NOC3L: variants seen among roughly 807,000 people sequenced by gnomAD.
NOC3L encodes nucleolar complex protein 3 homolog.
In NOC3L, 85 loss-of-function variants were observed where a neutral mutation model predicts 102.5. The observed-to-expected ratio is 0.83, with a 90% CI of 0.70 to 0.99. The LOEUF (loss-of-function observed/expected upper bound fraction) is 0.99, where lower values mean the gene tolerates loss of function less well. Among genes scored for constraint, NOC3L ranks in the 50% least tolerant of loss-of-function variants. NOC3L has a pLI of 0.00. For synonymous variants in NOC3L, 303 were observed against 309.4 expected (o/e 0.98, Z 0.22); for missense variants, 878 against 914.9 (o/e 0.96, Z 0.52).
Position 94,362,895 on chromosome 10 carries a change from A to G in NOC3L, c.-57T>C, listed in dbSNP as rs2054568079. 6.2e-7 allele frequency: 1 copy of G among 1,613,798 alleles called. No homozygotes were observed. Among genetic ancestry groups the G allele is most frequent in the Non-Finnish European group, 8.5e-7 (1 of 1,179,960 alleles). The stretch of plus-strand genomic sequence containing the variant: ...AGTTCACCAGAAGCAGGGTTACTAC[A>G]GAAATCCCGGGGAATGACACACGTG... On this transcript the variant is annotated 5_prime_UTR_variant, in exon 1 of 21. Transcript: ENST00000371361.
Position 94,340,348 on chromosome 10 carries a change from C to T in NOC3L, c.1709-1G>A. 6.2e-7 allele frequency: 1 copy of T among 1,613,150 alleles called. No homozygotes were observed. The highest frequency in any genetic ancestry group is 8.5e-7 in the Non-Finnish European group (1 of 1,179,698). On this transcript the variant is annotated splice_acceptor_variant, in intron 15 of 20. Coordinates refer to ENST00000371361, the MANE Select transcript of NOC3L (RefSeq NM_022451.11). LOFTEE classifies it high-confidence loss of function. ...AATGGATCAATATTCAGAACATCAC[C>T]TTTGAAATGACAACAAACACCAATT... is the stretch of plus-strand genomic sequence containing the variant.
chr10:94,342,925 A>G (rs2054302588), intron 13 of NOC3L, among the ~76,000 whole-genome samples: 1 of 152,064 alleles, frequency 6.6e-6, no homozygotes, highest in African/African-American at 2.4e-5. Context: ...TCTTTACTAA[A>G]AATACAGAAA....
At chr10:94,320,916 T>C in the NOC3L span, among the ~76,000 whole-genome samples, 1 of 152,208 alleles carries the variant, frequency 6.6e-6, no homozygotes, top group African/African-American at 2.4e-5. Context: ...GGGTATTTTG[T>C]GGCGAATAAG....
intron 6 of NOC3L, among the ~76,000 whole-genome samples, chr10:94,354,129 T>C (rs1303634447): frequency 6.6e-6 from 1 of 152,238 alleles, no homozygotes; most frequent in Non-Finnish European, 1.5e-5. Context: ...TCCCTAATTC[T>C]GCTCTAGATC....
chr10:94,334,254 T>C lies in NOC3L; in HGVS notation c.2326A>G (p.Ile776Val). 6.2e-7 allele frequency: 1 copy of C among 1,611,354 alleles called. No individual in the cohort carries two copies. Among genetic ancestry groups the C allele is most frequent in the Non-Finnish European group, 8.5e-7 (1 of 1,178,516 alleles). Residue 776 changes from isoleucine (I) to valine (V), a missense_variant, in exon 21 of 21, where the codon ATC (isoleucine) becomes GTC (valine). Coordinates refer to ENST00000371361, the MANE Select transcript of NOC3L (RefSeq NM_022451.11). ...GCAACTTCACTGGAGTATCTTTTGATTAGCTGATTTAAATCTTCATTCAAA... is the reference window on the plus strand; with the variant it reads ...GCAACTTCACTGGAGTATCTTTTGACTAGCTGATTTAAATCTTCATTCAAA... ...SFLNEDLNQL[I>V]KRYSSEVATE...
chr10:94,359,840 A>C (rs1393112128), intron 2 of NOC3L, among the ~76,000 whole-genome samples: 2 of 152,206 alleles, frequency 1.3e-5, no homozygotes, highest in African/African-American at 4.8e-5. Context: ...AAGTTCCTCA[A>C]AAAACTAAAA....
chr10:94,316,736 G>T, the NOC3L span: 1 of 1,613,790 alleles, frequency 6.2e-7, no homozygotes. Context: ...GGGCAGGATT[G>T]TCTTAAAAAC....
chr10:94,358,311 G>T, intron 2 of NOC3L, 96 bp from the exon 3 acceptor site: 1 of 718,928 alleles, frequency 1.4e-6, no homozygotes. Context: ...AAAAGCTTAC[G>T]CTTTCTGAAG....
At chr10:94,336,652 G>C (rs2054222086) in intron 19 of NOC3L, among the ~76,000 whole-genome samples, 1 of 151,770 alleles carries the variant, frequency 6.6e-6, no homozygotes, top group Non-Finnish European at 1.5e-5. Context: ...CTGGCCCTCT[G>C]TTGTTTATAA....
At chr10:94,327,762 ATATT>A in the NOC3L span, among the ~76,000 whole-genome samples, 16 of 152,306 alleles carry the variant, frequency 1.1e-4, no homozygotes, top group Admixed American at 2.0e-4. Context: ...AGAATGTGAA[ATATT>A]TATTTCCAAG....
Position 94,344,406 on chromosome 10 carries a change from A to G in NOC3L, c.1571+9T>C. ...GAATCTAAAAGATTTCAACCTACAC[A>G]GCCCTTACTTGGCAAGACCTTCTAG... is the stretch of plus-strand genomic sequence containing the variant. On this transcript the variant is annotated intron_variant, in intron 13 of 20. Coordinates refer to ENST00000371361, the MANE Select transcript of NOC3L (RefSeq NM_022451.11). 6.3e-7 allele frequency: 1 copy of G among 1,589,560 alleles called. No individual in the cohort carries two copies. The highest frequency in any genetic ancestry group is 8.6e-7 in the Non-Finnish European group (1 of 1,159,442).
the NOC3L span, among the ~76,000 whole-genome samples, chr10:94,315,991 T>G: frequency 3.9e-5 from 6 of 152,120 alleles, no homozygotes; most frequent in African/African-American, 1.4e-4. Context: ...GTCTGTCTGG[T>G]TCCAGGGCTT....
intron 17 of NOC3L, 126 bp from the exon 18 acceptor site, chr10:94,338,862 C>T: frequency 2.9e-6 from 2 of 682,426 alleles, no homozygotes; most frequent in African/African-American, 3.7e-5. Flanking sequence ...AAAGTCTTTA[C>T]ACCTAGATTT....
At chr10:94,316,932 C>CT in the NOC3L span, among the ~76,000 whole-genome samples, 1 of 152,196 alleles carries the variant, frequency 6.6e-6, no homozygotes, top group Non-Finnish European at 1.5e-5. Context: ...AATATTATCT[C>CT]TAAGGTACAG....
At chr10:94,324,233 A>G in the NOC3L span, 1 of 821,596 alleles carries the variant, frequency 1.2e-6, no homozygotes. Flanking sequence ...AATGATCTGG[A>G]AGATCCCCTT....
intron 6 of NOC3L, among the ~76,000 whole-genome samples, 198 bp downstream of exon 6, chr10:94,354,765 T>C (rs1344101256): frequency 6.6e-6 from 1 of 152,190 alleles, no homozygotes; most frequent in African/African-American, 2.4e-5. Flanking sequence ...AAGTAACTTT[T>C]CTAGGATTAC....
At chr10:94,361,466 A>G in intron 2 of NOC3L, 199 bp downstream of exon 2, 5 of 555,706 alleles carry the variant, frequency 9.0e-6, no homozygotes, top group Non-Finnish European at 1.6e-5. Context: ...TTGAATGAAT[A>G]CTGTATTGAA....
chr10:94,316,781 C>G, the NOC3L span: 1 of 1,526,636 alleles, frequency 6.6e-7, no homozygotes, highest in Non-Finnish European at 9.1e-7. Context: ...GTGCAGCCTA[C>G]ACAGTAACGA....
At chr10:94,348,307 A>G (rs909663436) in intron 10 of NOC3L, among the ~76,000 whole-genome samples, 30 of 151,758 alleles carry the variant, frequency 2.0e-4, no homozygotes, top group Non-Finnish European at 1.2e-4. Context: ...TGAGGAGACT[A>G]TGTGCATAAC....
Sources: allele counts gnomAD v4.1 joint callset (sites outside exome capture counted in the v4.1 genomes callset), GRCh38; gene constraint gnomAD v4.1.1; transcripts MANE v1.5; gene names NCBI Gene and HGNC (gene_info 2026-07-23, HGNC 2026-07-21).